The following NAT1 variants were observed in gnomAD, a reference collection of about 807,000 sequenced individuals.
NAT1 encodes the protein arylamine N-acetyltransferase 1.
For missense variants in NAT1, 400 were observed against 339.2 expected (o/e 1.18, Z -1.41); for synonymous variants, 144 against 122.6 (o/e 1.17, Z -1.16).
At chr8:18,174,646 T>A (rs1479457400) in intron 2 of NAT1, among the ~76,000 whole-genome samples, 2 of 152,050 alleles carry the variant, frequency 1.3e-5, no homozygotes, top group Non-Finnish European at 2.9e-5. Flanking sequence ...AGAGGGCGGT[T>A]ATTGTGATTT....
chr8:18,210,606 T>G (rs1803989795), intron 1 of NAT1, among the ~76,000 whole-genome samples: 1 of 152,206 alleles, frequency 6.6e-6, no homozygotes, highest in Non-Finnish European at 1.5e-5. Flanking sequence ...ACGCTCACCC[T>G]CCTCTGTCCC....
upstream of NAT1, among the ~76,000 whole-genome samples, chr8:18,206,185 A>G (rs564855760): frequency 6.6e-6 from 1 of 152,252 alleles, no homozygotes; most frequent in South Asian, 2.1e-4. Flanking sequence ...GAGTTGCTCC[A>G]TACCAGTTCA....
Position 18,190,851 on chromosome 8 carries a change from GAGATCAGGAGTTCC to G in NAT1, n.93-18926_93-18913del, listed in dbSNP as rs747059873. ...GGAGGCCGAGGTGGGTGGATAACCTGAGATCAGGAGTTCCAGACCAGCCTGGCCAACACAGTGAA... is the reference window on the plus strand; with the variant it reads ...GGAGGCCGAGGTGGGTGGATAACCTGAGACCAGCCTGGCCAACACAGTGAA... On this transcript the variant is annotated intron_variant and non_coding_transcript_variant, in intron 2 of 4. Transcript: ENST00000517441. Among the ~76,000 whole-genome samples the G allele has an allele frequency of 5.3e-5, 8 of 152,300 alleles. No individual in the cohort carries two copies. In the South Asian group the frequency reaches 1.7e-3, roughly 32 times the overall value.
At chr8:18,205,088 T>C (rs1217459957) in intron 2 of NAT1, among the ~76,000 whole-genome samples, 4 of 152,186 alleles carry the variant, frequency 2.6e-5, no homozygotes, top group African/African-American at 4.8e-5. Flanking sequence ...CATTGGTCAC[T>C]ACACTCCGAT....
At chr8:18,192,668 G>T (rs199886413) in intron 2 of NAT1, among the ~76,000 whole-genome samples, 2 of 151,700 alleles carry the variant, frequency 1.3e-5, no homozygotes, top group African/African-American at 2.4e-5. Context: ...CCATAAAAAA[G>T]GATGAGTTCA....
intron 2 of NAT1, among the ~76,000 whole-genome samples, chr8:18,197,383 G>T (rs1203285395): frequency 6.6e-6 from 1 of 152,148 alleles, no homozygotes; most frequent in Non-Finnish European, 1.5e-5. Flanking sequence ...TAGGCTTCTT[G>T]GTCTAATTCT....
intron 2 of NAT1, among the ~76,000 whole-genome samples, chr8:18,186,059 C>T (rs1156691311): frequency 6.6e-6 from 1 of 152,068 alleles, no homozygotes. Context: ...TTGCGTTACA[C>T]GTTTGGGAAC....
At chr8:18,173,146 G>GCA (rs3038965) in intron 2 of NAT1, among the ~76,000 whole-genome samples, 10,812 of 146,524 alleles carry the variant, frequency 0.074, 481 homozygotes, top group African/African-American at 0.12. Flanking sequence ...ACACAGAGAT[G>GCA]CACACACACA....
Position 18,199,114 on chromosome 8 carries a change from A to C in NAT1, n.93-10667A>C, listed in dbSNP as rs187702710. On this transcript the variant is annotated intron_variant and non_coding_transcript_variant, in intron 2 of 4. Transcript: ENST00000517441. ...GGATTACTTGAGGTCAGGAGTTCGA[A>C]ACCAGCCTGACCAACATAGTAAAAC... is the stretch of plus-strand genomic sequence containing the variant. 4.4e-4 allele frequency among the ~76,000 whole-genome samples: 67 copies of C among 151,932 alleles called. 1 individual carries two copies. In the Middle Eastern group the frequency reaches 0.014, roughly 31 times the overall value.
intron 2 of NAT1, among the ~76,000 whole-genome samples, chr8:18,185,531 G>T (rs142765078): frequency 1.4e-4 from 22 of 151,922 alleles, no homozygotes; most frequent in African/African-American, 5.3e-4. Context: ...GTCTTTGTGC[G>T]TTCCCTCTCT....
At position 18,193,023 on chromosome 8, in the gene NAT1, C is replaced by A. The variant is rs572189078; in HGVS notation, n.93-16758C>A. On this transcript the variant is annotated intron_variant and non_coding_transcript_variant, in intron 2 of 4. Transcript: ENST00000517441. ...AAAAATAAAATAAAATAAACAACAA[C>A]AACAACAAAAGATTTTCCAGATGTT... 2.7e-5 allele frequency among the ~76,000 whole-genome samples: 4 copies of A among 147,480 alleles called. No homozygotes were observed. In the East Asian group the frequency reaches 7.9e-4, roughly 29 times the overall value.
At chr8:18,179,324 G>C (rs1204708215) in intron 2 of NAT1, among the ~76,000 whole-genome samples, 1 of 152,170 alleles carries the variant, frequency 6.6e-6, no homozygotes, top group Non-Finnish European at 1.5e-5. Context: ...AGATAGGGAA[G>C]AGAGAGAATG....
intron 2 of NAT1, among the ~76,000 whole-genome samples, chr8:18,188,662 AT>A (rs1434955758): frequency 6.6e-6 from 1 of 152,000 alleles, no homozygotes; most frequent in African/African-American, 2.4e-5. Context: ...TTTAAATGAA[AT>A]TTAATTTTTT....
chr8:18,208,077 G>A (rs1803802550), upstream of NAT1, among the ~76,000 whole-genome samples: 1 of 148,206 alleles, frequency 6.7e-6, no homozygotes, highest in South Asian at 2.3e-4. Flanking sequence ...AGAAGACATG[G>A]ACATAGGGAG....
intron 2 of NAT1, among the ~76,000 whole-genome samples, chr8:18,189,940 C>A (rs1284616004): frequency 6.6e-6 from 1 of 152,140 alleles, no homozygotes. Flanking sequence ...CATGCACGTG[C>A]CACCACACCT....
intron 1 of NAT1, among the ~76,000 whole-genome samples, chr8:18,217,399 G>T (rs1327190875): frequency 6.6e-6 from 1 of 152,212 alleles, no homozygotes; most frequent in Non-Finnish European, 1.5e-5. Context: ...TGCGTCCCTT[G>T]CTGGCTGAGT....
At chr8:18,187,210 C>T (rs549693414) in intron 2 of NAT1, among the ~76,000 whole-genome samples, 25 of 152,162 alleles carry the variant, frequency 1.6e-4, no homozygotes, top group Admixed American at 5.9e-4. Context: ...CACATGCTGG[C>T]GAGGCTGTGG....
At chr8:18,215,758 T>C (rs1804594303) in intron 1 of NAT1, among the ~76,000 whole-genome samples, 1 of 152,226 alleles carries the variant, frequency 6.6e-6, no homozygotes, top group Non-Finnish European at 1.5e-5. Flanking sequence ...TTCATGTATG[T>C]ATAGCTCTGT....
Position 18,204,279 on chromosome 8 carries a change from A to C in NAT1, n.93-5502A>C, listed in dbSNP as rs570796292. On this transcript the variant is annotated intron_variant and non_coding_transcript_variant, in intron 2 of 4. Coordinates refer to the NAT1 transcript ENST00000517441. ...TATCTGTGTCCTGAATTCTTTCTCC[A>C]CACACAACGAACGCCAGGGTATATA... is the stretch of plus-strand genomic sequence containing the variant. Among the ~76,000 whole-genome samples, 410 of 152,164 alleles carry C rather than the reference A, an allele frequency of 2.7e-3. 2 individuals are homozygous for C. Among genetic ancestry groups the C allele is most frequent in the Non-Finnish European group, 3.6e-3 (246 of 67,992 alleles).
Sources: allele counts gnomAD v4.1 joint callset (sites outside exome capture counted in the v4.1 genomes callset), GRCh38; gene constraint gnomAD v4.1.1; transcripts MANE v1.5; gene names NCBI Gene and HGNC (gene_info 2026-07-23, HGNC 2026-07-21).